Variants in DPP10 observed in about 807,000 individuals in gnomAD.
The protein encoded by DPP10 is inactive dipeptidyl peptidase 10.
DPP10 carries 33 observed loss-of-function variants against 120.9 expected under a neutral mutation model. That is an observed-to-expected ratio of 0.27 (90% CI 0.21 to 0.37). The LOEUF (loss-of-function observed/expected upper bound fraction) is 0.37, where lower values mean the gene tolerates loss of function less well. Ranked by LOEUF, DPP10 falls within the 10% of genes least tolerant of loss-of-function variation. The pLI is 1.00. For synonymous variants in DPP10, 337 were observed against 326.1 expected (o/e 1.03, Z -0.36); for missense variants, 816 against 942.8 (o/e 0.87, Z 1.76).
chr2:114,886,379 T>C (rs1205058673), intron 1 of DPP10, among the ~76,000 whole-genome samples: 4 of 152,206 alleles, frequency 2.6e-5, no homozygotes, highest in African/African-American at 9.6e-5. Context: ...TTAGATACTT[T>C]ATCATACAAA....
At chr2:115,541,044 A>C (rs1422379339) in intron 5 of DPP10, among the ~76,000 whole-genome samples, 1 of 151,878 alleles carries the variant, frequency 6.6e-6, no homozygotes, top group Non-Finnish European at 1.5e-5. Flanking sequence ...CATCTTGTAA[A>C]AGATACTGTG....
At position 115,308,433 on chromosome 2, in the gene DPP10, C is replaced by CA. The variant is rs1340415733; in HGVS notation, c.61-799dup. ...GCTCAGTGTTTTATAAACTGTATTG[C>CA]AAAAAAAGCTGACTTTCATTTCAAA... is the stretch of plus-strand genomic sequence containing the variant. On this transcript the variant is annotated intron_variant, in intron 1 of 25. Coordinates refer to ENST00000410059, the MANE Select transcript of DPP10 (RefSeq NM_020868.6). 5.3e-5 allele frequency among the ~76,000 whole-genome samples: 8 copies of CA among 152,046 alleles called. No homozygotes were observed. The Middle Eastern group carries it at 0.014, about 259-fold the overall frequency.
At chr2:114,874,799 C>G (rs992382455) in intron 1 of DPP10, among the ~76,000 whole-genome samples, 3 of 151,988 alleles carry the variant, frequency 2.0e-5, no homozygotes. Context: ...ATTTTACAGA[C>G]AAGGAAATTG....
chr2:114,755,908 G>A (rs896163992), intron 1 of DPP10, among the ~76,000 whole-genome samples: 31 of 147,128 alleles, frequency 2.1e-4, no homozygotes, highest in Middle Eastern at 7.3e-3. Context: ...TATTTTCTAT[G>A]TGTCAGTAGT....
At position 115,687,011 on chromosome 2, in the gene DPP10, C is replaced by T. The variant is rs539059469; in HGVS notation, c.442-2676C>T. ...CGTCATGAAATAAGACCTACTTAGCCGTATGGAAGGGGAGTTTAAGATAAA... is the reference window on the plus strand; with the variant it reads ...CGTCATGAAATAAGACCTACTTAGCTGTATGGAAGGGGAGTTTAAGATAAA... On this transcript the variant is annotated intron_variant, in intron 5 of 25. Coordinates refer to ENST00000410059, the MANE Select transcript of DPP10 (RefSeq NM_020868.6). Among the ~76,000 whole-genome samples, 38 of 151,856 alleles carry T rather than the reference C, an allele frequency of 2.5e-4. No homozygotes were observed. In the Middle Eastern group the frequency reaches 0.02, roughly 82 times the overall value.
At chr2:115,112,340 A>G (rs776617075) in intron 1 of DPP10, among the ~76,000 whole-genome samples, 2 of 152,054 alleles carry the variant, frequency 1.3e-5, no homozygotes, top group African/African-American at 2.4e-5. Flanking sequence ...TTTCCGTTCT[A>G]TAAAGTAACA....
At position 115,025,920 on chromosome 2, in the gene DPP10, C is replaced by T. The variant is rs187610267; in HGVS notation, c.61-283319C>T. ...GAGCTCCTTGTGTGTTCTGGTTATT[C>T]ATCCCTTGTCAGGTGGTTACTCTGT... On this transcript the variant is annotated intron_variant, in intron 1 of 25. Transcript: ENST00000410059. Among the ~76,000 whole-genome samples the T allele has an allele frequency of 1.1e-3, 170 of 152,000 alleles. 1 individual carries two copies. Among genetic ancestry groups the T allele is most frequent in the Non-Finnish European group, 1.9e-3 (127 of 67,894 alleles).
intron 1 of DPP10, among the ~76,000 whole-genome samples, chr2:114,860,050 C>T (rs7605855): frequency 0.38 from 58,159 of 152,070 alleles, 11,904 homozygotes; most frequent in South Asian, 0.49. Flanking sequence ...TATACATACA[C>T]CACATTAAGT....
chr2:115,495,734 T>C (rs1247932586), intron 3 of DPP10, among the ~76,000 whole-genome samples: 1 of 152,160 alleles, frequency 6.6e-6, no homozygotes, highest in South Asian at 2.1e-4. Context: ...AAATACGTGC[T>C]TAGATCTCAG....
At chr2:115,254,704 A>C (rs2058902577) in intron 1 of DPP10, among the ~76,000 whole-genome samples, 1 of 152,096 alleles carries the variant, frequency 6.6e-6, no homozygotes, top group Non-Finnish European at 1.5e-5. Flanking sequence ...GATGGGGGAA[A>C]TTGGCCAAAA....
chr2:115,489,074 C>G (rs968730654), intron 3 of DPP10, among the ~76,000 whole-genome samples: 2 of 151,898 alleles, frequency 1.3e-5, no homozygotes, highest in Non-Finnish European at 2.9e-5. Flanking sequence ...TTGAATGAGG[C>G]AAACAATTAA....
At chr2:115,634,929 G>A (rs563130692) in intron 5 of DPP10, among the ~76,000 whole-genome samples, 2 of 152,032 alleles carry the variant, frequency 1.3e-5, no homozygotes, top group Non-Finnish European at 2.9e-5. Context: ...TGAAATTCTT[G>A]TAGGGAGGGC....
intron 1 of DPP10, among the ~76,000 whole-genome samples, chr2:114,634,969 A>G (rs1479660988): frequency 6.6e-6 from 1 of 151,884 alleles, no homozygotes; most frequent in Non-Finnish European, 1.5e-5. Flanking sequence ...TGTTAAAATA[A>G]TCTCAGAGGG....
chr2:114,881,479 CTA>C (rs1558838700), intron 1 of DPP10, among the ~76,000 whole-genome samples: 5 of 116,720 alleles, frequency 4.3e-5, no homozygotes, highest in African/African-American at 1.2e-4. Context: ...ATCTATCTAT[CTA>C]TCTATCTATC....
intron 1 of DPP10, among the ~76,000 whole-genome samples, chr2:115,010,195 C>G (rs1394577209): frequency 6.6e-6 from 1 of 152,124 alleles, no homozygotes; most frequent in Admixed American, 6.5e-5. Context: ...AATGTGTACA[C>G]ATTTATGTAA....
chr2:114,819,595 T>C (rs2106351743), intron 1 of DPP10, among the ~76,000 whole-genome samples: 1 of 152,376 alleles, frequency 6.6e-6, no homozygotes, highest in South Asian at 2.1e-4. Flanking sequence ...TTTGATTGCT[T>C]GTTTAAAGCC....
intron 1 of DPP10, among the ~76,000 whole-genome samples, chr2:115,030,374 T>A (rs562087271): frequency 6.6e-6 from 1 of 152,308 alleles, no homozygotes; most frequent in Admixed American, 6.5e-5. Flanking sequence ...ACTGGAATTG[T>A]GTATCAATCT....
At chr2:114,609,432 T>C (rs1217645269) in intron 1 of DPP10, among the ~76,000 whole-genome samples, 1 of 151,942 alleles carries the variant, frequency 6.6e-6, no homozygotes, top group Non-Finnish European at 1.5e-5. Context: ...AAGCCTGGGA[T>C]GGGAGGTGAG....
At chr2:115,236,102 T>C (rs1335362608) in intron 1 of DPP10, among the ~76,000 whole-genome samples, 1 of 152,212 alleles carries the variant, frequency 6.6e-6, no homozygotes, top group African/African-American at 2.4e-5. Flanking sequence ...AGATTCTCTT[T>C]AATATTCATT....
Sources: allele counts gnomAD v4.1 joint callset (sites outside exome capture counted in the v4.1 genomes callset), GRCh38; gene constraint gnomAD v4.1.1; transcripts MANE v1.5; gene names NCBI Gene and HGNC (gene_info 2026-07-23, HGNC 2026-07-21).